MITF: variants seen among roughly 807,000 people sequenced by gnomAD.
MITF encodes the protein microphthalmia-associated transcription factor.
In MITF, 17 loss-of-function variants were observed where a neutral mutation model predicts 60.5. That is an observed-to-expected ratio of 0.28 (90% confidence interval 0.19 to 0.42). The LOEUF (loss-of-function observed/expected upper bound fraction) is 0.42, where lower values mean the gene tolerates loss of function less well. Ranked by LOEUF, MITF falls within the 10% of genes least tolerant of loss-of-function variation. The pLI is 1.00. For synonymous variants in MITF, 260 were observed against 248.5 expected (o/e 1.05, Z -0.43); for missense variants, 622 against 683.5 (o/e 0.91, Z 1.00).
chr3:69,921,459 AG>A (rs2065466401), intron 2 of MITF, among the ~76,000 whole-genome samples: 1 of 152,202 alleles, frequency 6.6e-6, no homozygotes, highest in African/African-American at 2.4e-5. Flanking sequence ...ATATAGTTTT[AG>A]GGCATAGTTT....
intron 5 of MITF, among the ~76,000 whole-genome samples, chr3:69,943,193 C>T (rs2066011440): frequency 6.6e-6 from 1 of 151,080 alleles, no homozygotes; most frequent in African/African-American, 2.4e-5. Flanking sequence ...TGTGCCACTA[C>T]ACCTGGCCTG....
At chr3:69,756,043 A>G (rs547176189) in intron 1 of MITF, among the ~76,000 whole-genome samples, 1 of 152,320 alleles carries the variant, frequency 6.6e-6, no homozygotes, top group African/African-American at 2.4e-5. Context: ...ACTGTTGAGT[A>G]AATAAGCAAC....
At chr3:69,918,796 C>T (rs1251101053) in intron 2 of MITF, among the ~76,000 whole-genome samples, 1 of 152,160 alleles carries the variant, frequency 6.6e-6, no homozygotes, top group Non-Finnish European at 1.5e-5. Flanking sequence ...AGTTAACCTT[C>T]CTCTCTTATT....
At chr3:69,745,331 T>C (rs1293091530) in intron 1 of MITF, among the ~76,000 whole-genome samples, 1 of 152,110 alleles carries the variant, frequency 6.6e-6, no homozygotes, top group African/African-American at 2.4e-5. Context: ...AATTCAAAGA[T>C]ACATCATACT....
chr3:69,816,927 T>C (rs529415642), intron 1 of MITF, among the ~76,000 whole-genome samples: 78 of 152,328 alleles, frequency 5.1e-4, no homozygotes, highest in Admixed American at 1.5e-3. Context: ...GCTGCAAGTC[T>C]TGTGGCAGTT....
At chr3:69,797,904 A>G (rs995604711) in intron 1 of MITF, among the ~76,000 whole-genome samples, 2 of 152,248 alleles carry the variant, frequency 1.3e-5, no homozygotes, top group African/African-American at 2.4e-5. Context: ...TTGCAGAAGC[A>G]ACGTACATTT....
At chr3:69,754,133 T>C (rs1206397259) in intron 1 of MITF, among the ~76,000 whole-genome samples, 1 of 152,084 alleles carries the variant, frequency 6.6e-6, no homozygotes, top group Non-Finnish European at 1.5e-5. Flanking sequence ...TTCTCATGAA[T>C]GGTTTAGCAA....
intron 3 of MITF, chr3:69,938,885 A>G (rs1229176877): frequency 1.4e-6 from 2 of 1,450,336 alleles, no homozygotes; most frequent in African/African-American, 1.4e-5. Context: ...CTATGCCCAA[A>G]CCAACTGCTT....
chr3:69,925,733 T>G (rs2065570850), intron 2 of MITF, among the ~76,000 whole-genome samples: 1 of 152,224 alleles, frequency 6.6e-6, no homozygotes, highest in Admixed American at 6.5e-5. Context: ...GTTGTTGATC[T>G]TGTCCTTATT....
intron 1 of MITF, among the ~76,000 whole-genome samples, chr3:69,772,048 T>G (rs1009190927): frequency 6.6e-6 from 1 of 152,222 alleles, no homozygotes. Context: ...GGACAAGTTG[T>G]TCTTTGTGGA....
At chr3:69,821,039 A>G (rs540754637) in intron 1 of MITF, among the ~76,000 whole-genome samples, 336 of 152,290 alleles carry the variant, frequency 2.2e-3, no homozygotes, top group Admixed American at 5.1e-3. Context: ...ATTTTCCAGC[A>G]ATTTGAGCCC....
At chr3:69,853,842 C>T (rs373198868) in intron 1 of MITF, among the ~76,000 whole-genome samples, 1 of 150,208 alleles carries the variant, frequency 6.7e-6, no homozygotes, top group East Asian at 1.9e-4. Flanking sequence ...TATTATTCCT[C>T]AGTTTATTGA....
chr3:69,860,515 G>A (rs1021470248), intron 1 of MITF, among the ~76,000 whole-genome samples: 9 of 150,010 alleles, frequency 6.0e-5, no homozygotes, highest in African/African-American at 1.7e-4. Context: ...GGAGAATGGC[G>A]TGAACCCGGA....
At chr3:69,754,540 T>A (rs2114660) in intron 1 of MITF, among the ~76,000 whole-genome samples, 28,517 of 152,086 alleles carry the variant, frequency 0.19, 3,189 homozygotes, top group East Asian at 0.47. Flanking sequence ...GATTGTAACT[T>A]TCCTGAGGCC....
intron 1 of MITF, among the ~76,000 whole-genome samples, chr3:69,843,980 G>A (rs1424806742): frequency 6.6e-6 from 1 of 152,248 alleles, no homozygotes; most frequent in East Asian, 1.9e-4. Flanking sequence ...ACTTACGAGT[G>A]ATAACATGTG....
chr3:69,936,637 G>A, intron 2 of MITF: 1 of 1,594,386 alleles, frequency 6.3e-7, no homozygotes, highest in East Asian at 2.3e-5. Flanking sequence ...CTCTTTGCCA[G>A]TCCATCTTCA....
chr3:69,908,320 T>C (rs2065145805), intron 2 of MITF, among the ~76,000 whole-genome samples: 1 of 152,150 alleles, frequency 6.6e-6, no homozygotes, highest in South Asian at 2.1e-4. Flanking sequence ...ATTTTCTGCT[T>C]TGTCTATTGA....
intron 2 of MITF, among the ~76,000 whole-genome samples, chr3:69,891,017 T>C (rs577290298): frequency 6.6e-6 from 1 of 152,280 alleles, no homozygotes; most frequent in East Asian, 1.9e-4. Flanking sequence ...ATGATTTCCT[T>C]AGTTTGGAGT....
chr3:69,908,628 G>A (rs1193884725), intron 2 of MITF, among the ~76,000 whole-genome samples: 3 of 152,144 alleles, frequency 2.0e-5, no homozygotes, highest in African/African-American at 4.8e-5. Context: ...AACCTTTGAT[G>A]AACATGTGGG....
Sources: gnomAD v4.1 joint callset for allele counts (sites outside exome capture counted in the v4.1 genomes callset) on GRCh38, gnomAD v4.1.1 for gene constraint, MANE v1.5 for transcripts, NCBI Gene and HGNC (gene_info 2026-07-23, HGNC 2026-07-21) for gene names.